Variants in ENOX2 observed in about 807,000 individuals in gnomAD.
ENOX2 encodes the protein APK1 antigen.
Under a neutral mutation model 45.0 loss-of-function variants are expected in ENOX2, and 36 were observed. The ratio of observed to expected loss-of-function variants is 0.80; its 90% CI spans 0.61 to 1.06. ENOX2 has a LOEUF of 1.06. Among genes scored for constraint, ENOX2 ranks in the 50% least tolerant of loss-of-function variants. The pLI is 0.00. For synonymous variants in ENOX2, 174 were observed against 152.3 expected (o/e 1.14, Z -1.05); for missense variants, 423 against 462.5 (o/e 0.91, Z 0.78).
chrX:130,861,595 AAGT>A (rs2078410089), intron 2 of ENOX2, among the ~76,000 whole-genome samples: 1 of 111,849 alleles, frequency 8.9e-6, no homozygotes, highest in Admixed American at 9.5e-5. Context: ...TAGAAGCAGA[AAGT>A]AGAATACCAG....
intron 2 of ENOX2, among the ~76,000 whole-genome samples, chrX:130,899,107 T>C (rs2148601608): frequency 9.1e-6 from 1 of 110,359 alleles, no homozygotes; most frequent in South Asian, 4.0e-4. Context: ...GGCTAAGGAA[T>C]AGGTGCCTGG....
chrX:130,646,220 T>G (rs1209069232), intron 10 of ENOX2: 6 of 459,910 alleles, frequency 1.3e-5, no homozygotes, highest in Non-Finnish European at 2.0e-5. Context: ...GAATTGTGCC[T>G]GGTCAAATGC....
intron 3 of ENOX2, among the ~76,000 whole-genome samples, chrX:130,777,965 C>T (rs994189357): frequency 1.8e-5 from 2 of 111,988 alleles, no homozygotes; most frequent in Admixed American, 9.4e-5. Flanking sequence ...TCTGAGGGAA[C>T]AATAGGCTCT....
chrX:130,826,384 G>A (rs994679908), intron 2 of ENOX2, among the ~76,000 whole-genome samples: 4 of 111,713 alleles, frequency 3.6e-5, no homozygotes, highest in African/African-American at 1.3e-4. Flanking sequence ...TTCACCATAT[G>A]TATTGTCAAG....
intron 3 of ENOX2, among the ~76,000 whole-genome samples, chrX:130,734,593 C>T (rs2038817499): frequency 9.0e-6 from 1 of 111,706 alleles, no homozygotes; most frequent in Admixed American, 9.5e-5. Context: ...TATCACGATG[C>T]CATGCAGTAC....
chrX:130,842,385 G>A (rs992124947), intron 2 of ENOX2, among the ~76,000 whole-genome samples: 1 of 112,256 alleles, frequency 8.9e-6, no homozygotes, highest in African/African-American at 3.2e-5. Context: ...CAGAAAATGA[G>A]ATGATTAATT....
intron 2 of ENOX2, among the ~76,000 whole-genome samples, chrX:130,824,802 G>A (rs1040674356): frequency 9.0e-5 from 10 of 111,503 alleles, no homozygotes; most frequent in Admixed American, 5.7e-4. Flanking sequence ...TAATAAATGG[G>A]AAAATGCACA....
At chrX:130,846,176 A>T (rs370575822) in intron 2 of ENOX2, among the ~76,000 whole-genome samples, 1 of 111,606 alleles carries the variant, frequency 9.0e-6, no homozygotes, top group South Asian at 3.8e-4. Flanking sequence ...TTGAGAAATC[A>T]GGGTCTAACA....
intron 5 of ENOX2, among the ~76,000 whole-genome samples, chrX:130,683,216 C>T (rs961054308): frequency 4.5e-5 from 5 of 111,764 alleles, no homozygotes; most frequent in African/African-American, 1.6e-4. Flanking sequence ...TATAGAGAAC[C>T]GATAAGCCAC....
intron 6 of ENOX2, among the ~76,000 whole-genome samples, chrX:130,670,595 T>C (rs1052243819): frequency 2.7e-5 from 3 of 110,676 alleles, no homozygotes; most frequent in African/African-American, 9.9e-5. Context: ...AACGAACTTG[T>C]CTTTAAATAA....
At chrX:130,690,565 A>C (rs2037565815) in intron 4 of ENOX2, among the ~76,000 whole-genome samples, 1 of 112,502 alleles carries the variant, frequency 8.9e-6, no homozygotes, top group Admixed American at 9.4e-5. Flanking sequence ...GGGTTCTGGT[A>C]ATGCAGAGGC....
chrX:130,667,780 C>G, intron 7 of ENOX2, 38 bp from the exon 8 acceptor site: 1 of 1,066,593 alleles, frequency 9.4e-7, no homozygotes, highest in Non-Finnish European at 1.3e-6. Context: ...CAAAGGTAAC[C>G]AAATTTTGAT....
intron 3 of ENOX2, among the ~76,000 whole-genome samples, chrX:130,723,890 T>A (rs923112578): frequency 3.6e-5 from 4 of 111,787 alleles, no homozygotes; most frequent in African/African-American, 9.8e-5. Context: ...CCCTTGCTAT[T>A]TTCCCTGCTG....
At chrX:130,728,952 T>C (rs1156705624) in intron 3 of ENOX2, among the ~76,000 whole-genome samples, 1 of 111,169 alleles carries the variant, frequency 9.0e-6, no homozygotes, top group Non-Finnish European at 1.9e-5. Flanking sequence ...ACCTGTTAGA[T>C]AGGAAAGGAA....
At chrX:130,685,328 C>G (rs777251788) in intron 5 of ENOX2, among the ~76,000 whole-genome samples, 1 of 111,473 alleles carries the variant, frequency 9.0e-6, no homozygotes, top group East Asian at 2.8e-4. Flanking sequence ...GGACTTTAGT[C>G]TCTATTGTGA....
At chrX:130,797,500 C>T (rs2077150732) in intron 2 of ENOX2, among the ~76,000 whole-genome samples, 1 of 110,685 alleles carries the variant, frequency 9.0e-6, no homozygotes, top group African/African-American at 3.3e-5. Flanking sequence ...CCGCCCCGCC[C>T]TGACATTAGG....
At chrX:130,773,385 G>A (rs767918934) in intron 3 of ENOX2, among the ~76,000 whole-genome samples, 1 of 111,476 alleles carries the variant, frequency 9.0e-6, no homozygotes, top group African/African-American at 3.3e-5. Flanking sequence ...ATTAGTTGTC[G>A]CCTGGAAAAA....
intron 9 of ENOX2, among the ~76,000 whole-genome samples, chrX:130,659,928 A>T (rs914063514): frequency 2.7e-5 from 3 of 112,423 alleles, no homozygotes; most frequent in Admixed American, 9.4e-5. Context: ...AGAAACATAA[A>T]AAGTTAAAAA....
At chrX:130,652,432 A>G (rs1254480392) in intron 10 of ENOX2, among the ~76,000 whole-genome samples, 1 of 111,735 alleles carries the variant, frequency 8.9e-6, no homozygotes, top group Non-Finnish European at 1.9e-5. Context: ...TTCAGCCGAT[A>G]CCTCTACACT....
Sources: gnomAD v4.1 joint callset for allele counts (sites outside exome capture counted in the v4.1 genomes callset) on GRCh38, gnomAD v4.1.1 for gene constraint, MANE v1.5 for transcripts, NCBI Gene and HGNC (gene_info 2026-07-23, HGNC 2026-07-21) for gene names.